The following DIP2B variants were observed in gnomAD, a reference collection of about 807,000 sequenced individuals.
DIP2B encodes DIP2 acetate--CoA ligase B (putative), also known as disco-interacting protein 2 homolog B.
DIP2B carries 76 observed loss-of-function variants against 198.0 expected under a neutral mutation model. That is an observed-to-expected ratio of 0.38 (90% CI 0.32 to 0.46). The LOEUF is 0.46. Among genes scored for constraint, DIP2B ranks in the 20% least tolerant of loss-of-function variants. The pLI, the probability that DIP2B is intolerant of heterozygous loss-of-function variation, is 0.99. For synonymous variants in DIP2B, 701 were observed against 739.1 expected (o/e 0.95, Z 0.84); for missense variants, 1,559 against 1,978.4 (o/e 0.79, Z 4.02).
chr12:50,720,916 T>C (rs1241773545), intron 25 of DIP2B, among the ~76,000 whole-genome samples: 5 of 152,240 alleles, frequency 3.3e-5, no homozygotes, highest in Non-Finnish European at 7.3e-5. Context: ...TCCTTCCACT[T>C]CTGCCCCTTG....
intron 1 of DIP2B, among the ~76,000 whole-genome samples, chr12:50,566,877 C>G (rs1367771352): frequency 6.7e-6 from 1 of 148,516 alleles, no homozygotes; most frequent in Non-Finnish European, 1.5e-5. Flanking sequence ...GAGGCTGAGG[C>G]AGGAGAATGG....
chr12:50,680,756 G>C lies in DIP2B; in HGVS notation c.1199G>C (p.Gly400Ala), dbSNP rs891819461. Reference protein sequence around the residue: ...GTKNEPVLKPGDRVALVYPNN... With the variant: ...GTKNEPVLKPADRVALVYPNN... ...AAAAATGAACCTGTGTTAAAACCTG[G>C]AGACAGGGTAATTGGTGTGATTTTG... Residue 400 changes from glycine (G) to alanine (A), a missense_variant, in exon 9 of 38, where the codon GGA becomes GCA. By Grantham distance (60) the Gly-to-Ala change is moderately conservative. Transcript: ENST00000301180. 38 of 1,613,688 alleles carry C rather than the reference G, an allele frequency of 2.4e-5. No individual in the cohort carries two copies. The highest frequency in any genetic ancestry group is 3.1e-5 in the Non-Finnish European group (37 of 1,179,908).
intron 16 of DIP2B, 129 bp from the exon 17 acceptor site, chr12:50,696,932 G>A (rs758032044): frequency 4.8e-5 from 31 of 642,788 alleles, no homozygotes; most frequent in South Asian, 4.7e-4. Context: ...AAATATTTGC[G>A]TGGAATTAAC....
chr12:50,545,501 G>A (rs1051863240), intron 1 of DIP2B, among the ~76,000 whole-genome samples: 5 of 147,614 alleles, frequency 3.4e-5, no homozygotes, highest in Non-Finnish European at 7.4e-5. Context: ...CCAGCCTCCC[G>A]AGTAGCTGGG....
chr12:50,732,928 C>A (rs995940710), intron 32 of DIP2B, among the ~76,000 whole-genome samples: 6 of 151,328 alleles, frequency 4.0e-5, no homozygotes, highest in African/African-American at 1.5e-4. Flanking sequence ...TTATTTGAGA[C>A]GGAGCCTTGC....
intron 2 of DIP2B, among the ~76,000 whole-genome samples, chr12:50,631,060 T>G (rs1348791267): frequency 1.3e-5 from 2 of 152,170 alleles, no homozygotes; most frequent in Non-Finnish European, 2.9e-5. Flanking sequence ...TTAACAATAG[T>G]TACTATCCAT....
Position 50,725,243 on chromosome 12 carries a change from G to A in DIP2B, c.3400+357G>A, listed in dbSNP as rs148304264. 1.2e-4 allele frequency among the ~76,000 whole-genome samples: 18 copies of A among 152,256 alleles called. No homozygotes were observed. The East Asian group carries it at 3.5e-3, about 29-fold the overall frequency. On this transcript the variant is annotated intron_variant, in intron 28 of 37. Coordinates refer to ENST00000301180, the MANE Select transcript of DIP2B (RefSeq NM_173602.3). The stretch of plus-strand genomic sequence containing the variant: ...GATGTGATATTGTTGAAACAATACT[G>A]GACTAGGAGTCAGGTGATTTGGGTT...
chr12:50,525,131 G>A (rs1052170673), intron 1 of DIP2B, among the ~76,000 whole-genome samples: 11 of 152,228 alleles, frequency 7.2e-5, no homozygotes, highest in Admixed American at 5.9e-4. Context: ...GCCGAGGCGG[G>A]CAGATCACGA....
intron 1 of DIP2B, among the ~76,000 whole-genome samples, chr12:50,548,772 G>T (rs7979184): frequency 0.072 from 10,986 of 152,156 alleles, 861 homozygotes; most frequent in East Asian, 0.38. Flanking sequence ...GTAATTCCCC[G>T]CCTTGGCCTC....
At position 50,683,154 on chromosome 12, in the gene DIP2B, C is replaced by G; in HGVS notation, c.1223C>G (p.Pro408Arg). The G allele has an allele frequency of 6.2e-7, 1 of 1,609,546 alleles. No individual in the cohort carries two copies. Among genetic ancestry groups the G allele is most frequent in the Non-Finnish European group, 8.5e-7 (1 of 1,178,702 alleles). The change falls in exon 10 of 38, where the codon CCC becomes CGC. Residue 408 changes from proline to arginine, a missense_variant. Coordinates refer to ENST00000301180, the MANE Select transcript of DIP2B (RefSeq NM_173602.3). ...KPGDRVALVY[P>R]NNDPVMFMVA... ...GAATTTTAGGTAGCCCTGGTTTACC[C>G]CAACAATGATCCAGTCATGTTTATG...
At chr12:50,650,717 G>T (rs927295954) in intron 3 of DIP2B, among the ~76,000 whole-genome samples, 1 of 152,170 alleles carries the variant, frequency 6.6e-6, no homozygotes, top group Admixed American at 6.5e-5. Context: ...CAACAATGGG[G>T]ATTTGGTTGC....
rs3803181 is a variant in DIP2B at position 50,718,803 on chromosome 12, T to C, written c.2946T>C (p.Asn982=). 76,352 of 1,613,966 alleles carry C rather than the reference T, an allele frequency of 0.047. 6,033 individuals are homozygous for C. Among genetic ancestry groups the C allele is most frequent in the East Asian group, 0.33 (14,632 of 44,858 alleles). ...AGRDLGQIEE[N]DLVRKHQFLA... ...GGGATCTGGGACAAATAGAAGAGAA[T>C]GATTTGGTGAGGAAGGTAAGTGTTC... Residue 982 remains asparagine (N), a synonymous_variant, in exon 24 of 38, where the codon AAT becomes AAC. Transcript: ENST00000301180.
chr12:50,519,425 A>G (rs144036273), intron 1 of DIP2B, among the ~76,000 whole-genome samples: 336 of 152,288 alleles, frequency 2.2e-3, no homozygotes, highest in African/African-American at 7.6e-3. Flanking sequence ...TAAAAGAATG[A>G]AAAATATGAA....
At position 50,708,547 on chromosome 12, in the gene DIP2B, G is replaced by A; in HGVS notation, c.2634G>A (p.Met878Ile). 6.3e-7 allele frequency: 1 copy of A among 1,595,916 alleles called. No homozygotes were observed. Among genetic ancestry groups the A allele is most frequent in the Non-Finnish European group, 8.5e-7 (1 of 1,170,158 alleles). Residue 878 changes from methionine to isoleucine, a missense_variant, in exon 22 of 38, where the codon ATG becomes ATA. Physicochemically the swap from Met to Ile is conservative, Grantham distance 10 (BLOSUM62 1). Coordinates refer to ENST00000301180, the MANE Select transcript of DIP2B (RefSeq NM_173602.3). ...CTGAGGAAGATAGTTTCCAGTGGATGAGCCGCGTGCTGCAGGTGAGCACAC... is the reference window on the plus strand; with the variant it reads ...CTGAGGAAGATAGTTTCCAGTGGATAAGCCGCGTGCTGCAGGTGAGCACAC... ...DASEEDSFQW[M>I]SRVLQAIDSI...
intron 19 of DIP2B, 149 bp downstream of exon 19, chr12:50,699,351 T>G: frequency 8.3e-7 from 1 of 1,205,110 alleles, no homozygotes; most frequent in Non-Finnish European, 1.2e-6. Context: ...ATTCTGAACT[T>G]AGGTCACTAG....
chr12:50,678,536 C>T (rs1434654442), intron 7 of DIP2B, 143 bp from the exon 8 acceptor site: 1 of 858,366 alleles, frequency 1.2e-6, no homozygotes. Flanking sequence ...TGTGGACCAC[C>T]ATTTCTAACC....
Position 50,714,537 on chromosome 12 carries a change from T to C in DIP2B, c.2792T>C (p.Ile931Thr), listed in dbSNP as rs1939678372. 6.2e-7 allele frequency: 1 copy of C among 1,614,140 alleles called. No homozygotes were observed. ...GAGGGATCACTGCATCCTTGCAACA[T>C]CCTCATGTGCCCCCATACATGTGTG... ...FLEGSLHPCN[I>T]LMCPHTCVTN... The change falls in exon 23 of 38, where the codon ATC (isoleucine) becomes ACC (threonine). Residue 931 changes from isoleucine (I) to threonine (T), a missense_variant. Transcript: ENST00000301180.
intron 1 of DIP2B, among the ~76,000 whole-genome samples, chr12:50,623,007 C>T (rs1262589443): frequency 1.3e-5 from 2 of 151,760 alleles, no homozygotes; most frequent in Admixed American, 6.6e-5. Flanking sequence ...CAAATATACA[C>T]CTATGGACCG....
At chr12:50,603,758 T>A (rs564448573) in intron 1 of DIP2B, among the ~76,000 whole-genome samples, 2 of 152,278 alleles carry the variant, frequency 1.3e-5, no homozygotes, top group South Asian at 4.1e-4. Flanking sequence ...TTGTGATATT[T>A]AGTGCAGAGA....
Sources: allele counts gnomAD v4.1 joint callset (sites outside exome capture counted in the v4.1 genomes callset), GRCh38; gene constraint gnomAD v4.1.1; transcripts MANE v1.5; gene names NCBI Gene and HGNC (gene_info 2026-07-23, HGNC 2026-07-21).